Variants in DOCK3 observed in about 807,000 individuals in gnomAD.
The protein encoded by DOCK3 is dedicator of cytokinesis 3, also known as dedicator of cytokinesis protein 3.
In DOCK3, 60 loss-of-function variants were observed where a neutral mutation model predicts 265.6. The observed-to-expected ratio is 0.23, with a 90% CI of 0.18 to 0.28. The LOEUF is 0.28. Ranked by LOEUF, DOCK3 falls within the 10% of genes least tolerant of loss-of-function variation. DOCK3 has a pLI of 1.00. For missense variants in DOCK3, 1,981 were observed against 2,594.3 expected (o/e 0.76, Z 5.14); for synonymous variants, 881 against 938.0 (o/e 0.94, Z 1.11).
At chr3:51,262,139 G>C (rs2079886209) in intron 23 of DOCK3, among the ~76,000 whole-genome samples, 1 of 152,208 alleles carries the variant, frequency 6.6e-6, no homozygotes, top group Admixed American at 6.5e-5. Context: ...CCCAGTAGGG[G>C]ATGACAGACG....
chr3:51,118,765 AG>A (rs1305567568), intron 9 of DOCK3, among the ~76,000 whole-genome samples: 1 of 151,332 alleles, frequency 6.6e-6, no homozygotes, highest in African/African-American at 2.4e-5. Flanking sequence ...TGTTGGTTAA[AG>A]TCTGTTTTAT....
intron 5 of DOCK3, among the ~76,000 whole-genome samples, chr3:50,957,504 C>T (rs939134738): frequency 6.6e-6 from 1 of 152,194 alleles, no homozygotes; most frequent in Middle Eastern, 3.2e-3. Context: ...AAACCAAATG[C>T]CAGGAGACTT....
intron 39 of DOCK3, among the ~76,000 whole-genome samples, chr3:51,349,615 C>T (rs113833499): frequency 6.6e-6 from 1 of 152,306 alleles, no homozygotes; most frequent in African/African-American, 2.4e-5. Flanking sequence ...TGCATTATAG[C>T]TATCTTCCCA....
chr3:51,234,023 G>A (rs2078251163), intron 19 of DOCK3, among the ~76,000 whole-genome samples: 1 of 152,064 alleles, frequency 6.6e-6, no homozygotes, highest in African/African-American at 2.4e-5. Flanking sequence ...TGGGATTGCT[G>A]GCTTATATGG....
chr3:50,914,580 A>G (rs1344270204), intron 4 of DOCK3, among the ~76,000 whole-genome samples: 1 of 152,060 alleles, frequency 6.6e-6, no homozygotes, highest in African/African-American at 2.4e-5. Flanking sequence ...AGTTCTTTTA[A>G]GTTTGTTGAG....
chr3:50,856,898 T>A (rs2046627882), intron 3 of DOCK3, among the ~76,000 whole-genome samples: 1 of 152,196 alleles, frequency 6.6e-6, no homozygotes, highest in Non-Finnish European at 1.5e-5. Context: ...TGAGGGATGT[T>A]GAATTTTATT....
intron 3 of DOCK3, among the ~76,000 whole-genome samples, chr3:50,886,725 C>T (rs1281026879): frequency 6.6e-6 from 1 of 151,822 alleles, no homozygotes; most frequent in Non-Finnish European, 1.5e-5. Context: ...ATCCATGTCC[C>T]TACAAAGGAC....
intron 22 of DOCK3, 75 bp from the exon 23 acceptor site, chr3:51,260,081 C>T: frequency 2.1e-6 from 3 of 1,442,398 alleles, no homozygotes; most frequent in Admixed American, 4.4e-5. Flanking sequence ...TGTTACTTTG[C>T]CCCTTGTTTC....
At chr3:51,014,004 T>C (rs1200576336) in intron 5 of DOCK3, among the ~76,000 whole-genome samples, 2 of 152,218 alleles carry the variant, frequency 1.3e-5, no homozygotes, top group Non-Finnish European at 2.9e-5. Context: ...GTGTGCTGTT[T>C]GTTAAGACCA....
At chr3:50,770,424 A>G (rs532096572) in intron 1 of DOCK3, among the ~76,000 whole-genome samples, 28 of 151,998 alleles carry the variant, frequency 1.8e-4, no homozygotes, top group African/African-American at 6.0e-4. Flanking sequence ...ATAAACACTG[A>G]TGAAAGAAAT....
At chr3:51,324,468 A>G (rs1260681337) in intron 32 of DOCK3, among the ~76,000 whole-genome samples, 3 of 152,246 alleles carry the variant, frequency 2.0e-5, no homozygotes, top group Admixed American at 6.5e-5. Flanking sequence ...GATAAGAAGA[A>G]TGAATATCAT....
chr3:51,313,205 C>G (rs2083189730), intron 31 of DOCK3, among the ~76,000 whole-genome samples: 1 of 152,158 alleles, frequency 6.6e-6, no homozygotes, highest in African/African-American at 2.4e-5. Context: ...TTTGAGAACC[C>G]ATTCCTATAA....
chr3:50,848,688 C>T (rs377223330), intron 3 of DOCK3, among the ~76,000 whole-genome samples: 10 of 152,134 alleles, frequency 6.6e-5, no homozygotes, highest in South Asian at 2.1e-4. Flanking sequence ...CCATTGTATG[C>T]GGTCTGATGT....
intron 3 of DOCK3, among the ~76,000 whole-genome samples, chr3:50,874,888 G>A (rs2069272365): frequency 6.6e-6 from 1 of 152,120 alleles, no homozygotes; most frequent in African/African-American, 2.4e-5. Flanking sequence ...CCATAAAAAA[G>A]AATGAGTTCA....
chr3:51,012,596 G>A (rs962339793), intron 5 of DOCK3, among the ~76,000 whole-genome samples: 2 of 152,156 alleles, frequency 1.3e-5, no homozygotes, highest in African/African-American at 4.8e-5. Context: ...TGCGCTTCCT[G>A]GGTGAGGCGA....
rs777764595 is a variant in DOCK3, at chr3:50,933,934, A to AT, written c.219-40dup. The AT allele has an allele frequency of 8.8e-6, 12 of 1,364,386 alleles. No individual in the cohort carries two copies. The East Asian group carries it at 1.4e-4, about 16-fold the overall frequency. The allele number at this position is 1,364,386 out of a possible 1,614,324, so 84.5% of individuals were successfully genotyped here. A position where few individuals can be genotyped will look rare whatever the true frequency, so the allele number is the denominator to read the frequency against. On this transcript the variant is annotated intron_variant, in intron 4 of 52. Transcript: ENST00000266037. ...AAAAGACAGGAGACAGTTTGCCGAGATTTTTTTCAGAGATAATGTGGCTGT... is the reference window on the plus strand; with the variant it reads ...AAAAGACAGGAGACAGTTTGCCGAGATTTTTTTTCAGAGATAATGTGGCTGT...
intron 1 of DOCK3, among the ~76,000 whole-genome samples, chr3:50,741,736 C>T (rs1289458671): frequency 4.0e-5 from 6 of 151,792 alleles, no homozygotes; most frequent in African/African-American, 7.3e-5. Context: ...AATAAACATA[C>T]GTGTGCGTGT....
intron 4 of DOCK3, among the ~76,000 whole-genome samples, chr3:50,913,375 A>AG (rs1471301393): frequency 6.6e-5 from 10 of 151,904 alleles, no homozygotes; most frequent in Admixed American, 6.6e-4. Flanking sequence ...CTTAAGCAGA[A>AG]GGGAGGGGTC....
At chr3:50,760,983 G>A (rs1406823324) in intron 1 of DOCK3, among the ~76,000 whole-genome samples, 3 of 151,738 alleles carry the variant, frequency 2.0e-5, no homozygotes, top group Non-Finnish European at 2.9e-5. Context: ...GGGTTTTACC[G>A]TGTTAGCCAG....
Sources: allele counts gnomAD v4.1 joint callset (sites outside exome capture counted in the v4.1 genomes callset), GRCh38; gene constraint gnomAD v4.1.1; transcripts MANE v1.5; gene names NCBI Gene and HGNC (gene_info 2026-07-23, HGNC 2026-07-21).